The following CTNNA3 variants were observed in gnomAD, a reference collection of about 807,000 sequenced individuals.
CTNNA3 encodes the protein catenin alpha-3.
CTNNA3 carries 76 observed loss-of-function variants against 95.7 expected under a neutral mutation model. That is an observed-to-expected ratio of 0.79 (90% CI 0.66 to 0.96). The LOEUF (loss-of-function observed/expected upper bound fraction) is 0.96. Ranked by LOEUF, CTNNA3 falls within the 40% of genes least tolerant of loss-of-function variation. CTNNA3 has a pLI of 0.00. For synonymous variants in CTNNA3, 431 were observed against 374.4 expected, an observed-to-expected ratio of 1.15 and a Z score of -1.74; for missense variants, 1,191 against 1,089.8, an observed-to-expected ratio of 1.09 and a Z score of -1.31.
intron 2 of CTNNA3, among the ~76,000 whole-genome samples, chr10:67,632,244 A>T (rs1839167012): frequency 6.6e-6 from 1 of 151,632 alleles, no homozygotes; most frequent in South Asian, 2.1e-4. Flanking sequence ...CATACATCAA[A>T]TCATCACATC....
chr10:67,725,539 A>C (rs1841205052), intron 1 of CTNNA3, among the ~76,000 whole-genome samples: 3 of 151,956 alleles, frequency 2.0e-5, no homozygotes. Context: ...AGACACTTTT[A>C]TTTCTCCCAG....
chr10:67,547,170 C>T (rs962973451), intron 3 of CTNNA3, among the ~76,000 whole-genome samples: 1 of 152,090 alleles, frequency 6.6e-6, no homozygotes, highest in African/African-American at 2.4e-5. Context: ...TTCAGATACA[C>T]CTACCTTAAA....
chr10:66,309,935 A>G (rs2091992096), intron 12 of CTNNA3, among the ~76,000 whole-genome samples: 1 of 144,328 alleles, frequency 6.9e-6, no homozygotes, highest in Admixed American at 6.9e-5. Flanking sequence ...ATAAATAAAT[A>G]AATAAATAAA....
Position 67,219,454 on chromosome 10 carries a change from A to C in CTNNA3, c.843+153T>G, listed in dbSNP as rs913049873. 2.6e-5 allele frequency among the ~76,000 whole-genome samples: 4 copies of C among 152,224 alleles called. No individual in the cohort carries two copies. In the East Asian group the frequency reaches 7.7e-4, roughly 29 times the overall value. On this transcript the variant is annotated intron_variant, in intron 6 of 17. Coordinates refer to ENST00000433211, the MANE Select transcript of CTNNA3 (RefSeq NM_013266.4). ...CTAACAGAGTACTTTCCTGTTAATC[A>C]ATTCTTTGGAAGACTCAAGAAGGTG...
chr10:66,079,220 G>C (rs1226877017), intron 14 of CTNNA3: 1 of 151,816 alleles, frequency 6.6e-6, no homozygotes, highest in Non-Finnish European at 1.5e-5. Flanking sequence ...GATGTCTACT[G>C]TAAAGTAGAG....
intron 7 of CTNNA3, among the ~76,000 whole-genome samples, chr10:67,028,128 T>A (rs1426373562): frequency 1.3e-5 from 2 of 152,322 alleles, no homozygotes; most frequent in African/African-American, 4.8e-5. Flanking sequence ...TCTCTACTGA[T>A]GAGTGTATGC....
At chr10:66,630,591 T>C (rs1845098096) in intron 9 of CTNNA3, among the ~76,000 whole-genome samples, 1 of 152,174 alleles carries the variant, frequency 6.6e-6, no homozygotes, top group African/African-American at 2.4e-5. Flanking sequence ...GTAACTTCCA[T>C]AGACAAATCC....
chr10:67,182,569 T>C (rs1862610158), intron 6 of CTNNA3, among the ~76,000 whole-genome samples: 1 of 151,976 alleles, frequency 6.6e-6, no homozygotes, highest in African/African-American at 2.4e-5. Context: ...ATGTTAGACC[T>C]AAAACCATAA....
intron 7 of CTNNA3, among the ~76,000 whole-genome samples, chr10:66,811,357 A>G (rs1347634529): frequency 6.6e-6 from 1 of 152,198 alleles, no homozygotes; most frequent in Non-Finnish European, 1.5e-5. Flanking sequence ...CAACACTTAG[A>G]GGCCAGTGGA....
At chr10:66,859,294 A>G (rs1843808113) in intron 7 of CTNNA3, among the ~76,000 whole-genome samples, 1 of 152,090 alleles carries the variant, frequency 6.6e-6, no homozygotes, top group South Asian at 2.1e-4. Flanking sequence ...TCGAGAATCT[A>G]CAATGAACTC....
At chr10:66,179,584 T>C (rs891466489) in intron 13 of CTNNA3, among the ~76,000 whole-genome samples, 1 of 152,078 alleles carries the variant, frequency 6.6e-6, no homozygotes, top group East Asian at 1.9e-4. Context: ...AATAAATAGA[T>C]CTACTTAAAG....
At position 66,183,722 on chromosome 10, in the gene CTNNA3, T is replaced by C. The variant is rs140828407; in HGVS notation, c.1885-80473A>G. Among the ~76,000 whole-genome samples, 336 of 152,336 alleles carry C rather than the reference T, an allele frequency of 2.2e-3. 1 individual carries two copies. The highest frequency in any genetic ancestry group is 7.8e-3 in the African/African-American group (324 of 41,590). ...TATTTTTGACATAGTTGGTAAACAC[T>C]TGACATTGTGACTTTTTTTCTTTTT... On this transcript the variant is annotated intron_variant, in intron 13 of 17. Coordinates refer to ENST00000433211, the MANE Select transcript of CTNNA3 (RefSeq NM_013266.4).
At chr10:66,642,255 T>A (rs1244040521) in intron 9 of CTNNA3, among the ~76,000 whole-genome samples, 1 of 114,766 alleles carries the variant, frequency 8.7e-6, no homozygotes, top group African/African-American at 4.7e-5. Flanking sequence ...TTCTTTAAAA[T>A]ACACACACAC....
chr10:66,736,939 C>T (rs1046398633), intron 9 of CTNNA3, among the ~76,000 whole-genome samples: 1 of 152,086 alleles, frequency 6.6e-6, no homozygotes, highest in Non-Finnish European at 1.5e-5. Flanking sequence ...TAAACTTAAT[C>T]TGAATATTTG....
At chr10:66,029,885 T>C (rs2079416446) in intron 15 of CTNNA3, among the ~76,000 whole-genome samples, 1 of 152,178 alleles carries the variant, frequency 6.6e-6, no homozygotes, top group Non-Finnish European at 1.5e-5. Flanking sequence ...AAAGAAAATG[T>C]AATCTTTGCA....
chr10:67,432,027 T>G (rs1172615668), intron 5 of CTNNA3, among the ~76,000 whole-genome samples: 5 of 152,044 alleles, frequency 3.3e-5, no homozygotes, highest in Admixed American at 3.3e-4. Context: ...ATTCAAAAAA[T>G]GAAATTAAAA....
chr10:66,810,091 T>C (rs1380829310), intron 7 of CTNNA3, among the ~76,000 whole-genome samples: 1 of 152,156 alleles, frequency 6.6e-6, no homozygotes, highest in African/African-American at 2.4e-5. Flanking sequence ...ATTGCAGATT[T>C]TTAGCAAATG....
intron 8 of CTNNA3, among the ~76,000 whole-genome samples, chr10:66,768,941 G>A (rs1178089689): frequency 6.6e-6 from 1 of 152,140 alleles, no homozygotes; most frequent in East Asian, 1.9e-4. Flanking sequence ...GCTATGGTTT[G>A]AAGAGTGAAT....
At chr10:66,400,521 T>C (rs1055800637) in intron 11 of CTNNA3, among the ~76,000 whole-genome samples, 3 of 152,020 alleles carry the variant, frequency 2.0e-5, no homozygotes, top group African/African-American at 7.2e-5. Context: ...GTGATATATA[T>C]AGATATAGAT....
Sources: allele counts gnomAD v4.1 joint callset (sites outside exome capture counted in the v4.1 genomes callset), GRCh38; gene constraint gnomAD v4.1.1; transcripts MANE v1.5; gene names NCBI Gene and HGNC (gene_info 2026-07-23, HGNC 2026-07-21).